Variants in CSMD1 observed in about 807,000 individuals in gnomAD.
CSMD1 encodes CUB and Sushi multiple domains 1, also known as CUB and sushi domain-containing protein 1.
In CSMD1, 213 loss-of-function variants were observed where a neutral mutation model predicts 417.5. That is an observed-to-expected ratio of 0.51 (90% confidence interval 0.46 to 0.57). The LOEUF (loss-of-function observed/expected upper bound fraction) is 0.57, where lower values mean the gene tolerates loss of function less well. CSMD1 is among the 20% of genes least tolerant of loss of function. The probability of loss-of-function intolerance (pLI) is 0.00; values close to 1 mark genes in which losing one functional copy is unlikely to be tolerated. For missense variants in CSMD1, 6,923 were observed against 4,529.7 expected (o/e 1.53, Z -15.17); for synonymous variants, 2,862 against 1,736.8 (o/e 1.65, Z -16.11).
chr8:3,956,881 T>G (rs945056379), intron 5 of CSMD1, among the ~76,000 whole-genome samples: 5 of 152,182 alleles, frequency 3.3e-5, no homozygotes, highest in African/African-American at 9.7e-5. Context: ...GCTGCAAATG[T>G]ACAGGTGATT....
At chr8:4,131,756 C>CTTTTTTTTT (rs10650865) in intron 3 of CSMD1, among the ~76,000 whole-genome samples, 11 of 87,432 alleles carry the variant, frequency 1.3e-4, no homozygotes, top group African/African-American at 1.8e-4. Context: ...ACAAATGTGA[C>CTTTTTTTTT]TTTTTTTTTT....
At chr8:3,509,491 C>A (rs999287725) in intron 10 of CSMD1, among the ~76,000 whole-genome samples, 1 of 152,164 alleles carries the variant, frequency 6.6e-6, no homozygotes. Flanking sequence ...TTTTTCATTT[C>A]AGCTTCCTCA....
chr8:3,845,445 C>T (rs566169304), intron 5 of CSMD1, among the ~76,000 whole-genome samples: 1 of 152,186 alleles, frequency 6.6e-6, no homozygotes, highest in East Asian at 1.9e-4. Flanking sequence ...CATATCTAAC[C>T]ACAGAAAAGG....
At chr8:4,677,806 A>C (rs1345526240) in intron 1 of CSMD1, among the ~76,000 whole-genome samples, 1 of 152,194 alleles carries the variant, frequency 6.6e-6, no homozygotes, top group Non-Finnish European at 1.5e-5. Flanking sequence ...AAATGACAAA[A>C]GAAGAACAAA....
intron 7 of CSMD1, among the ~76,000 whole-genome samples, chr8:3,673,869 G>A (rs62474696): frequency 0.024 from 3,649 of 152,234 alleles, 75 homozygotes; most frequent in Non-Finnish European, 0.039. Context: ...TGTAATCCTA[G>A]CACTTTGGGA....
Position 4,520,011 on chromosome 8 carries a change from T to C in CSMD1, c.303-99946A>G, listed in dbSNP as rs1487438609. ...GGTTATCAGAGAAATTATGAAGGGA[T>C]ATTTAGAAATAAATTAGAATAAATT... On this transcript the variant is annotated intron_variant, in intron 2 of 69. Transcript: ENST00000635120. Among the ~76,000 whole-genome samples, 4 of 151,642 alleles carry C rather than the reference T, an allele frequency of 2.6e-5. No homozygotes were observed. The East Asian group carries it at 7.7e-4, about 29-fold the overall frequency.
Position 4,842,073 on chromosome 8 carries a change from C to T in CSMD1, c.85+152259G>A, listed in dbSNP as rs775365971. On this transcript the variant is annotated intron_variant, in intron 1 of 69. Transcript: ENST00000635120. Reference sequence around the variant, plus strand: ...TCAATCAACATGTAAATTTCCTGGACGTCACCTATGTGTACCATTCTGTAT... The same window carrying T: ...TCAATCAACATGTAAATTTCCTGGATGTCACCTATGTGTACCATTCTGTAT... 5.3e-5 allele frequency among the ~76,000 whole-genome samples: 8 copies of T among 152,082 alleles called. No individual in the cohort carries two copies. In the East Asian group the frequency reaches 7.7e-4, roughly 15 times the overall value.
At chr8:4,958,685 G>C (rs1035602828) in intron 1 of CSMD1, among the ~76,000 whole-genome samples, 2 of 152,078 alleles carry the variant, frequency 1.3e-5, no homozygotes, top group Non-Finnish European at 2.9e-5. Context: ...GAGTTTTTAA[G>C]AATAATAGAC....
chr8:4,255,149 T>A (rs1280757765), intron 3 of CSMD1, among the ~76,000 whole-genome samples: 1 of 152,210 alleles, frequency 6.6e-6, no homozygotes, highest in African/African-American at 2.4e-5. Context: ...TTAAAAGAGA[T>A]GATACATAGA....
intron 11 of CSMD1, among the ~76,000 whole-genome samples, chr8:3,485,267 T>G (rs560415920): frequency 6.6e-6 from 1 of 152,296 alleles, no homozygotes; most frequent in African/African-American, 2.4e-5. Flanking sequence ...CCAGGGAATT[T>G]TGCTGAGTGA....
chr8:2,967,245 GA>G (rs1563189957), intron 57 of CSMD1, among the ~76,000 whole-genome samples: 1 of 152,168 alleles, frequency 6.6e-6, no homozygotes, highest in East Asian at 1.9e-4. Context: ...GGAAAATAAA[GA>G]ATGCCTCAGA....
chr8:3,691,364 C>G (rs530037333), intron 7 of CSMD1, among the ~76,000 whole-genome samples: 2 of 149,038 alleles, frequency 1.3e-5, no homozygotes, highest in African/African-American at 5.1e-5. Flanking sequence ...AAGACTCTGT[C>G]TCAAAAAAAA....
chr8:3,659,161 A>C (rs1009849239), intron 7 of CSMD1, among the ~76,000 whole-genome samples: 1 of 152,206 alleles, frequency 6.6e-6, no homozygotes, highest in African/African-American at 2.4e-5. Flanking sequence ...TTGCAGATTC[A>C]TGGAATCATT....
chr8:4,282,646 A>G (rs888134596), intron 3 of CSMD1, among the ~76,000 whole-genome samples: 4 of 152,194 alleles, frequency 2.6e-5, no homozygotes, highest in African/African-American at 9.7e-5. Context: ...TCACCTTTTC[A>G]GTTTTATTTA....
At chr8:4,839,284 CTATT>C (rs1800696678) in intron 1 of CSMD1, among the ~76,000 whole-genome samples, 2 of 152,276 alleles carry the variant, frequency 1.3e-5, no homozygotes, top group South Asian at 4.1e-4. Context: ...ATTCATTCAT[CTATT>C]TGTTTATAGC....
intron 5 of CSMD1, among the ~76,000 whole-genome samples, chr8:3,911,729 C>G (rs1808481147): frequency 6.6e-6 from 1 of 152,136 alleles, no homozygotes; most frequent in Non-Finnish European, 1.5e-5. Context: ...GAACTTCCTC[C>G]TTTATTCTAA....
chr8:3,506,969 C>G (rs1236054143), intron 10 of CSMD1, among the ~76,000 whole-genome samples: 1 of 152,110 alleles, frequency 6.6e-6, no homozygotes, highest in East Asian at 1.9e-4. Flanking sequence ...GGAAGTTTTG[C>G]TTATCTTTGA....
intron 5 of CSMD1, among the ~76,000 whole-genome samples, chr8:3,877,041 T>C (rs1260446899): frequency 6.6e-6 from 1 of 152,158 alleles, no homozygotes; most frequent in African/African-American, 2.4e-5. Context: ...TCGTATAGTG[T>C]TTTTTTGCCT....
rs566214624 is a variant in CSMD1, at chr8:3,619,698, G to A, written c.1010-2901C>T. The stretch of plus-strand genomic sequence containing the variant: ...AGAAAAAGAGAGAATCTTAAAAGCA[G>A]AAAGAGAAAAGCAAGTCCTCATAAA... On this transcript the variant is annotated intron_variant, in intron 7 of 69. Coordinates refer to ENST00000635120, the MANE Select transcript of CSMD1 (RefSeq NM_033225.6). 2.0e-5 allele frequency among the ~76,000 whole-genome samples: 3 copies of A among 150,880 alleles called. No individual in the cohort carries two copies. In the South Asian group the frequency reaches 6.2e-4, roughly 31 times the overall value.
Sources: allele counts gnomAD v4.1 joint callset (sites outside exome capture counted in the v4.1 genomes callset), GRCh38; gene constraint gnomAD v4.1.1; transcripts MANE v1.5; gene names NCBI Gene and HGNC (gene_info 2026-07-23, HGNC 2026-07-21).